Variants in SERPINB5 observed in about 807,000 individuals in gnomAD.
The protein encoded by SERPINB5 is serpin B5.
A neutral mutation model predicts 32.2 loss-of-function variants in SERPINB5; 27 were observed. The ratio of observed to expected loss-of-function variants is 0.84; its 90% confidence interval spans 0.62 to 1.16. The LOEUF is 1.16. SERPINB5 is among the 50% of genes most tolerant of loss of function. The pLI is 0.00. For missense variants in SERPINB5, 388 were observed against 436.3 expected (o/e 0.89, Z 0.99); for synonymous variants, 154 against 157.4 (o/e 0.98, Z 0.16).
At chr18:63,485,333 T>C (rs1917192568) in intron 2 of SERPINB5, among the ~76,000 whole-genome samples, 2 of 152,226 alleles carry the variant, frequency 1.3e-5, no homozygotes, top group South Asian at 4.1e-4. Context: ...TTTTACATAA[T>C]AGGTGAATGT....
intron 5 of SERPINB5, chr18:63,496,856 TTA>T: frequency 3.9e-6 from 1 of 258,492 alleles, no homozygotes; most frequent in South Asian, 4.2e-5. Flanking sequence ...AGGCCAGGTG[TTA>T]ATAGGAGCAA....
At chr18:63,484,739 A>AAATTTTTTTTTT in intron 2 of SERPINB5, 143 bp downstream of exon 2, 3 of 144,448 alleles carry the variant, frequency 2.1e-5, no homozygotes, top group Non-Finnish European at 2.6e-5. Context: ...GACTCTCTTA[A>AAATTTTTTTTTT]TCTTTTTTTT....
chr18:63,477,691 T>C (rs1917057022), intron 1 of SERPINB5, among the ~76,000 whole-genome samples: 1 of 152,240 alleles, frequency 6.6e-6, no homozygotes, highest in Non-Finnish European at 1.5e-5. Flanking sequence ...TTCTTGGACT[T>C]ATAAATTGTA....
intron 1 of SERPINB5, among the ~76,000 whole-genome samples, chr18:63,480,367 G>A (rs971912581): frequency 1.3e-5 from 2 of 152,078 alleles, no homozygotes; most frequent in African/African-American, 4.8e-5. Context: ...AACTATAAAC[G>A]AAGTTCTCCT....
intron 3 of SERPINB5, among the ~76,000 whole-genome samples, chr18:63,487,614 G>C (rs1509479): frequency 1.3e-5 from 2 of 151,934 alleles, no homozygotes; most frequent in African/African-American, 4.8e-5. Context: ...GGCTGGGCTG[G>C]TCAGATGGGG....
intron 5 of SERPINB5, chr18:63,497,500 A>T: frequency 4.2e-5 from 4 of 94,670 alleles, no homozygotes; most frequent in Non-Finnish European, 5.0e-5. Flanking sequence ...AACGTTTCTG[A>T]AAAAAAAAAA....
At chr18:63,483,443 A>G (rs1917156421) in intron 1 of SERPINB5, among the ~76,000 whole-genome samples, 1 of 152,244 alleles carries the variant, frequency 6.6e-6, no homozygotes, top group Non-Finnish European at 1.5e-5. Flanking sequence ...CTGCAAAGGC[A>G]TTAGTTACTT....
chr18:63,491,412 A>ACCCC (rs1568110285), intron 4 of SERPINB5, among the ~76,000 whole-genome samples: 1 of 149,282 alleles, frequency 6.7e-6, no homozygotes, highest in Non-Finnish European at 1.5e-5. Context: ...CCCAAAAAAA[A>ACCCC]AAAAAAAAAA....
chr18:63,484,495 G>T lies in SERPINB5; in HGVS notation c.67G>T (p.Glu23Ter). The part of the protein sequence containing the change: ...VDLFKQLCEK[E>*]PLGNVLFSPI... ...TCTGTTCAAACAACTATGTGAAAAG[G>T]AGCCACTGGGCAATGTCCTCTTCTC... The change falls in exon 2 of 7, where the codon GAG becomes TAG. Residue 23 changes from glutamate to a stop codon, truncating the protein, a stop_gained. Coordinates refer to ENST00000382771, the MANE Select transcript of SERPINB5 (RefSeq NM_002639.5). LOFTEE classifies it high-confidence loss of function. 1 of 1,614,142 alleles carries T rather than the reference G, an allele frequency of 6.2e-7. No individual in the cohort carries two copies. The highest frequency in any genetic ancestry group is 8.5e-7 in the Non-Finnish European group (1 of 1,180,022).
intron 1 of SERPINB5, among the ~76,000 whole-genome samples, chr18:63,480,479 A>G (rs1917109725): frequency 6.6e-6 from 1 of 152,230 alleles, no homozygotes; most frequent in Non-Finnish European, 1.5e-5. Flanking sequence ...CTTTCAACAG[A>G]AGTCATTAGG....
Position 63,489,375 on chromosome 18 carries a change from A to G in SERPINB5, c.335A>G (p.Tyr112Cys). ...TEFISSTKRP[Y>C]AKELETVDFK... ...TTCATCAGCTCTACGAAGAGACCGT[A>G]TGCAAAGGAATTGGAAACTGTTGAC... The change falls in exon 4 of 7, where the codon TAT becomes TGT. Residue 112 changes from tyrosine to cysteine, a missense_variant. Physicochemically the swap from Tyr to Cys is radical, Grantham distance 194. Coordinates refer to ENST00000382771, the MANE Select transcript of SERPINB5 (RefSeq NM_002639.5). The G allele has an allele frequency of 1.9e-6, 3 of 1,612,312 alleles. No homozygotes were observed. Among genetic ancestry groups the G allele is most frequent in the Non-Finnish European group, 2.5e-6 (3 of 1,178,888 alleles).
chr18:63,478,758 G>GTTTTTTTTTT (rs10669993), intron 1 of SERPINB5, among the ~76,000 whole-genome samples: 4 of 135,382 alleles, frequency 3.0e-5, no homozygotes, highest in African/African-American at 2.8e-5. Flanking sequence ...TAAAAACGTA[G>GTTTTTTTTTT]TTTTTTTTTT....
chr18:63,480,391 A>T (rs1917107386), intron 1 of SERPINB5, among the ~76,000 whole-genome samples: 1 of 152,242 alleles, frequency 6.6e-6, no homozygotes, highest in Admixed American at 6.5e-5. Flanking sequence ...TAAAATGGTT[A>T]CAGGGTTTTC....
At chr18:63,479,395 C>A (rs531298137) in intron 1 of SERPINB5, among the ~76,000 whole-genome samples, 2 of 152,168 alleles carry the variant, frequency 1.3e-5, no homozygotes, top group Non-Finnish European at 2.9e-5. Context: ...CAGTGACAAG[C>A]TATAAGTCTA....
chr18:63,479,749 G>A (rs1347676528), intron 1 of SERPINB5, among the ~76,000 whole-genome samples: 1 of 152,030 alleles, frequency 6.6e-6, no homozygotes, highest in Non-Finnish European at 1.5e-5. Context: ...CACAAATTAG[G>A]TACTCAGTTA....
chr18:63,502,435 G>A (rs1364785857), intron 6 of SERPINB5, among the ~76,000 whole-genome samples: 4 of 151,678 alleles, frequency 2.6e-5, no homozygotes, highest in Admixed American at 1.3e-4. Context: ...GCGCCCAGCC[G>A]CATCTCTCTC....
At chr18:63,491,938 GT>G (rs1478350189) in intron 4 of SERPINB5, among the ~76,000 whole-genome samples, 1 of 152,096 alleles carries the variant, frequency 6.6e-6, no homozygotes, top group Non-Finnish European at 1.5e-5. Context: ...AATTTGCATG[GT>G]CCAGGGCAAA....
chr18:63,477,086 T>G (rs1413015901), intron 1 of SERPINB5, 41 bp downstream of exon 1: 2 of 152,226 alleles, frequency 1.3e-5, no homozygotes, highest in African/African-American at 2.4e-5. Flanking sequence ...CTTCCTTTTT[T>G]CAGGGAAATT....
chr18:63,502,337 GT>G (rs1398476395), intron 6 of SERPINB5, among the ~76,000 whole-genome samples: 1 of 151,864 alleles, frequency 6.6e-6, no homozygotes, highest in African/African-American at 2.4e-5. Context: ...GGCTTTCACT[GT>G]GTTAGCCAGG....
Sources: allele counts gnomAD v4.1 joint callset (sites outside exome capture counted in the v4.1 genomes callset), GRCh38; gene constraint gnomAD v4.1.1; transcripts MANE v1.5; gene names NCBI Gene and HGNC (gene_info 2026-07-23, HGNC 2026-07-21).